CCNH: variants seen among roughly 807,000 people sequenced by gnomAD.
CCNH encodes cyclin-H.
Under a neutral mutation model 41.9 loss-of-function variants are expected in CCNH, and 31 were observed. The observed-to-expected ratio is 0.74, with a 90% CI of 0.56 to 1.00. The LOEUF is 1.00. Among genes scored for constraint, CCNH ranks in the 50% least tolerant of loss-of-function variants. The pLI, the probability that CCNH is intolerant of heterozygous loss-of-function variation, is 0.00. For synonymous variants in CCNH, 138 were observed against 136.1 expected (o/e 1.01, Z -0.10); for missense variants, 362 against 388.4 (o/e 0.93, Z 0.57).
At chr5:87,317,879 G>A (rs139601037), downstream of CCNH, among the ~76,000 whole-genome samples, 607 of 151,968 alleles carry the variant, frequency 4.0e-3, 3 homozygotes, top group Admixed American at 6.2e-3. Flanking sequence ...CAAGCAATCC[G>A]CCCACCTCAG....
chr5:87,395,041 T>C lies in CCNH; in HGVS notation c.933+3A>G. 6.2e-7 allele frequency: 1 copy of C among 1,610,164 alleles called. No individual in the cohort carries two copies. Among genetic ancestry groups the C allele is most frequent in the Non-Finnish European group, 8.5e-7 (1 of 1,176,704 alleles). On this transcript the variant is annotated splice_donor_region_variant and intron_variant, in intron 8 of 8. Coordinates refer to ENST00000256897, the MANE Select transcript of CCNH (RefSeq NM_001239.4). The stretch of plus-strand genomic sequence containing the variant: ...TAGAGTTCATCTTTGGAGTAAAACA[T>C]ACCTCCTCATGTTTGGATTTCTTTG...
downstream of CCNH, among the ~76,000 whole-genome samples, chr5:87,318,204 C>T (rs547841388): frequency 1.5e-4 from 23 of 152,212 alleles, no homozygotes; most frequent in South Asian, 4.8e-3. Flanking sequence ...GGATTCCCTA[C>T]TGTATGCAAA....
At chr5:87,387,090 T>TA (rs1417403916), downstream of CCNH, among the ~76,000 whole-genome samples, 3 of 152,188 alleles carry the variant, frequency 2.0e-5, no homozygotes, top group African/African-American at 7.2e-5. Flanking sequence ...CATTTATTCT[T>TA]ACACTAAATA....
At chr5:87,331,306 C>G in intron 9 of CCNH, 1 of 1,548,164 alleles carries the variant, frequency 6.5e-7, no homozygotes, top group South Asian at 1.1e-5. Context: ...AAATTCTGCA[C>G]TTGCTATTTA....
At chr5:87,412,481 G>A (rs1387413838) in intron 1 of CCNH, 197 bp downstream of exon 1, 1 of 1,417,666 alleles carries the variant, frequency 7.1e-7, no homozygotes, top group Non-Finnish European at 9.2e-7. Flanking sequence ...TCTGCCATTC[G>A]ACGACGGGGA....
chr5:87,390,940 T>A, downstream of CCNH: 1 of 1,506,720 alleles, frequency 6.6e-7, no homozygotes, highest in East Asian at 2.3e-5. Flanking sequence ...GTAATTCACT[T>A]CAGTTTAATG....
intron 9 of CCNH, among the ~76,000 whole-genome samples, chr5:87,336,964 C>A (rs1758019139): frequency 6.6e-6 from 1 of 151,954 alleles, no homozygotes; most frequent in Non-Finnish European, 1.5e-5. Flanking sequence ...TACAATGAAG[C>A]TTGAGATAGC....
At chr5:87,407,475 A>C (rs3093792) in intron 4 of CCNH, among the ~76,000 whole-genome samples, 2,756 of 152,260 alleles carry the variant, frequency 0.018, 32 homozygotes, top group Non-Finnish European at 0.026. Flanking sequence ...CAACTTAAAA[A>C]AGTTGCTTTT....
intron 9 of CCNH, among the ~76,000 whole-genome samples, chr5:87,321,951 T>C (rs1756847650): frequency 6.6e-6 from 1 of 152,196 alleles, no homozygotes; most frequent in African/African-American, 2.4e-5. Context: ...TATTGTTTCC[T>C]GAGGCCTAAC....
At chr5:87,320,994 G>T (rs544252064) in intron 9 of CCNH, among the ~76,000 whole-genome samples, 1 of 152,170 alleles carries the variant, frequency 6.6e-6, no homozygotes, top group Non-Finnish European at 1.5e-5. Context: ...ATAGCAATTT[G>T]TACACTTCTG....
rs753302898 is a variant in CCNH, at chr5:87,408,135, A to T, written c.366T>A (p.Ser122Arg). Residue 122 changes from serine (S) to arginine (R), a missense_variant, in exon 4 of 9, where the codon AGT becomes AGA. By Grantham distance (110) the Ser-to-Arg change is moderately radical (BLOSUM62 -1). Transcript: ENST00000256897. ...ACKVDEFNVS[S>R]PQFVGNLRES... Reference sequence around the variant, plus strand: ...CCCGGAGGTTTCCAACAAACTGAGGACTAGATACATTGAATTCATCTACTT... The same window carrying T: ...CCCGGAGGTTTCCAACAAACTGAGGTCTAGATACATTGAATTCATCTACTT... 5.0e-6 allele frequency: 8 copies of T among 1,612,996 alleles called. No homozygotes were observed. Among genetic ancestry groups the T allele is most frequent in the Non-Finnish European group, 5.9e-6 (7 of 1,179,558 alleles).
chr5:87,356,790 C>G (rs545756474), intron 9 of CCNH, among the ~76,000 whole-genome samples: 20 of 152,138 alleles, frequency 1.3e-4, no homozygotes, highest in Non-Finnish European at 2.8e-4. Flanking sequence ...ACGTGCACTG[C>G]GAAACCAAAA....
At chr5:87,354,323 T>C (rs375325239) in intron 9 of CCNH, among the ~76,000 whole-genome samples, 3 of 152,144 alleles carry the variant, frequency 2.0e-5, no homozygotes, top group African/African-American at 7.2e-5. Context: ...TGCGACTGTT[T>C]TTCCAAAGCA....
chr5:87,333,452 A>T, intron 9 of CCNH: 1 of 1,483,318 alleles, frequency 6.7e-7, no homozygotes, highest in Non-Finnish European at 9.1e-7. Flanking sequence ...CAGCAAGGTG[A>T]AAGAGCTTTT....
chr5:87,343,182 T>C (rs1465695036), intron 9 of CCNH, among the ~76,000 whole-genome samples: 1 of 152,194 alleles, frequency 6.6e-6, no homozygotes, highest in East Asian at 1.9e-4. Context: ...ATAACTTTGG[T>C]TGAATTTCTT....
intron 9 of CCNH, among the ~76,000 whole-genome samples, chr5:87,361,427 C>T (rs900066990): frequency 2.6e-5 from 4 of 151,968 alleles, no homozygotes; most frequent in Non-Finnish European, 5.9e-5. Context: ...TATGAAAATC[C>T]CACAGCATAA....
chr5:87,353,314 T>A, intron 9 of CCNH: 1 of 1,131,692 alleles, frequency 8.8e-7, no homozygotes, highest in South Asian at 1.3e-5. Context: ...TGCACACATT[T>A]GTACAATTCA....
chr5:87,370,510 A>AAATT (rs1355646015), intron 9 of CCNH, among the ~76,000 whole-genome samples: 12 of 152,284 alleles, frequency 7.9e-5, no homozygotes, highest in African/African-American at 2.9e-4. Flanking sequence ...CAAAAGTAAA[A>AAATT]AATTAGCTAG....
intron 9 of CCNH, among the ~76,000 whole-genome samples, chr5:87,320,376 A>T (rs1756696737): frequency 6.6e-6 from 1 of 152,156 alleles, no homozygotes; most frequent in East Asian, 1.9e-4. Flanking sequence ...CCTTGTTCTC[A>T]TACTGCTACA....
Sources: allele counts gnomAD v4.1 joint callset (sites outside exome capture counted in the v4.1 genomes callset), GRCh38; gene constraint gnomAD v4.1.1; transcripts MANE v1.5; gene names NCBI Gene and HGNC (gene_info 2026-07-23, HGNC 2026-07-21).